SMCO2: variants seen among roughly 807,000 people sequenced by gnomAD.
The protein encoded by SMCO2 is single-pass membrane protein with coiled-coil domains 2, also known as single-pass membrane and coiled-coil domain-containing protein 2.
In SMCO2, 25 loss-of-function variants were observed where a neutral mutation model predicts 29.5. The ratio of observed to expected loss-of-function variants is 0.85; its 90% CI spans 0.62 to 1.18. The LOEUF is 1.18. Ranked by LOEUF, SMCO2 falls within the 50% of genes most tolerant of loss-of-function variation. The pLI, the probability that SMCO2 is intolerant of heterozygous loss-of-function variation, is 0.00. For synonymous variants in SMCO2, 117 were observed against 123.3 expected, an observed-to-expected ratio of 0.95 and a Z score of 0.34; for missense variants, 348 against 344.5, an observed-to-expected ratio of 1.01 and a Z score of -0.08.
chr12:27,475,758 A>G, intron 4 of SMCO2, 27 bp downstream of exon 5: 1 of 1,446,538 alleles, frequency 6.9e-7, no homozygotes, highest in Non-Finnish European at 9.1e-7. Context: ...GGGGTTGGTC[A>G]TAAAATAGCA....
intron 2 of SMCO2, among the ~76,000 whole-genome samples, chr12:27,471,335 G>A (rs1388624258): frequency 6.6e-6 from 1 of 152,142 alleles, no homozygotes; most frequent in Non-Finnish European, 1.5e-5. Context: ...TTTCATATAA[G>A]TTTTTTCATA....
chr12:27,447,014 G>T, the SMCO2 span, among the ~76,000 whole-genome samples: 1 of 152,278 alleles, frequency 6.6e-6, no homozygotes, highest in Middle Eastern at 3.4e-3. Context: ...ATTCTGACAT[G>T]GAGACAGCAT....
At chr12:27,493,956 A>C (rs1429728225) in intron 5 of SMCO2, 1 of 158,204 alleles carries the variant, frequency 6.3e-6, no homozygotes, top group African/African-American at 2.4e-5. Context: ...ATTTTCTCAG[A>C]AACATAACTA....
chr12:27,498,556 C>A, intron 7 of SMCO2: 1 of 234,004 alleles, frequency 4.3e-6, no homozygotes, highest in South Asian at 6.6e-5. Context: ...CTGAGGAGTT[C>A]AATATCCCGG....
chr12:27,500,585 G>A lies in SMCO2; in HGVS notation c.684-1338G>A, dbSNP rs1374924133. 2.0e-5 allele frequency among the ~76,000 whole-genome samples: 3 copies of A among 150,576 alleles called. 1 individual carries two copies. The highest frequency in any genetic ancestry group is 7.5e-5 in the African/African-American group (3 of 40,246). ...GTCATAGTTTAGTATTTCCAAAGAT[G>A]ACTGGTTTTTTAATTTAGGAGGAAC... On this transcript the variant is annotated intron_variant, in intron 7 of 7. Transcript: ENST00000298876.
the SMCO2 span, among the ~76,000 whole-genome samples, chr12:27,440,669 C>A: frequency 1.8e-5 from 1 of 54,420 alleles, no homozygotes; most frequent in African/African-American, 5.9e-5. Flanking sequence ...TTTTTTTTGG[C>A]CTTTGTTTCT....
At chr12:27,448,733 C>G in the SMCO2 span, among the ~76,000 whole-genome samples, 2 of 152,182 alleles carry the variant, frequency 1.3e-5, no homozygotes, top group Non-Finnish European at 2.9e-5. Context: ...TTAATATGTA[C>G]TAGCTGGAGG....
chr12:27,470,773 A>G lies in SMCO2; in HGVS notation c.134+8A>G. The G allele has an allele frequency of 1.3e-6, 2 of 1,549,750 alleles. No homozygotes were observed. On this transcript the variant is annotated splice_region_variant and intron_variant, in intron 2 of 7. Transcript: ENST00000298876. ...TGAAGGTGCAATGCAGGAGTAAGTC[A>G]GAACTGAGCTTGCAGAAGCAGTTTC...
chr12:27,494,276 C>A lies in SMCO2; in HGVS notation c.451-24C>A, dbSNP rs115091099. Reference sequence around the variant, plus strand: ...CAGAAAAATATAAGTTTCATTTTACCCAGAATTGTGGATGTGTTTTTAGGT... The same window carrying A: ...CAGAAAAATATAAGTTTCATTTTACACAGAATTGTGGATGTGTTTTTAGGT... On this transcript the variant is annotated intron_variant, in intron 5 of 7. Coordinates refer to ENST00000298876, the Ensembl canonical transcript of SMCO2. 1,927 of 1,405,050 alleles carry A rather than the reference C, an allele frequency of 1.4e-3. 27 individuals carry two copies. In the African/African-American group the frequency reaches 0.026, roughly 19 times the overall value. The allele number at this position is 1,405,050 out of a possible 1,614,324, so 87.0% of individuals were successfully genotyped here.
the SMCO2 span, among the ~76,000 whole-genome samples, chr12:27,433,303 G>A: frequency 1.3e-5 from 2 of 152,148 alleles, no homozygotes; most frequent in Admixed American, 6.6e-5. Flanking sequence ...AACAGCATAA[G>A]AGTACAGCTG....
At chr12:27,436,919 T>C in the SMCO2 span, among the ~76,000 whole-genome samples, 1 of 152,208 alleles carries the variant, frequency 6.6e-6, no homozygotes, top group Non-Finnish European at 1.5e-5. Context: ...AAACTTTCCA[T>C]GTCACCACAT....
At chr12:27,494,169 A>C (rs1486328553) in intron 5 of SMCO2, 131 bp from the exon 7 acceptor site, 4 of 523,416 alleles carry the variant, frequency 7.6e-6, no homozygotes, top group Non-Finnish European at 9.8e-6. Context: ...CTCTAAGAGG[A>C]AGAAGTTTAC....
intron 5 of SMCO2, among the ~76,000 whole-genome samples, chr12:27,492,859 T>C (rs1942940385): frequency 6.6e-6 from 1 of 152,144 alleles, no homozygotes; most frequent in Non-Finnish European, 1.5e-5. Context: ...TATAAATCAC[T>C]CTACCATAAA....
chr12:27,476,777 A>G (rs1271865203), intron 4 of SMCO2, among the ~76,000 whole-genome samples: 6 of 151,946 alleles, frequency 3.9e-5, no homozygotes, highest in African/African-American at 1.5e-4. Flanking sequence ...GGCAGCATAT[A>G]ATTGGGTCAT....
upstream of SMCO2, chr12:27,466,689 C>T (rs944824388): frequency 6.6e-6 from 1 of 152,586 alleles, no homozygotes; most frequent in Non-Finnish European, 1.5e-5. Flanking sequence ...GAGAGACAGG[C>T]TAGAAGGGCA....
At chr12:27,470,107 T>G (rs1051128476) in intron 1 of SMCO2, among the ~76,000 whole-genome samples, 39 of 152,190 alleles carry the variant, frequency 2.6e-4, no homozygotes, top group African/African-American at 9.4e-4. Flanking sequence ...ATAACCTAGT[T>G]GTCAACAATG....
intron 3 of SMCO2, among the ~76,000 whole-genome samples, chr12:27,473,357 C>T (rs115187957): frequency 2.8e-3 from 421 of 152,282 alleles, no homozygotes; most frequent in African/African-American, 9.5e-3. Context: ...GGTCTCTTGT[C>T]TTCATCCTCA....
intron 4 of SMCO2, 44 bp downstream of exon 4, chr12:27,474,957 G>A: frequency 6.5e-7 from 1 of 1,536,144 alleles, no homozygotes. Context: ...ATAATGTGTG[G>A]AGGGGAAAAT....
chr12:27,498,603 GT>G, intron 7 of SMCO2: 1 of 211,250 alleles, frequency 4.7e-6, no homozygotes. Flanking sequence ...TCCTGCTTAG[GT>G]TTGAACACTG....
Sources: gnomAD v4.1 joint callset for allele counts (sites outside exome capture counted in the v4.1 genomes callset) on GRCh38, gnomAD v4.1.1 for gene constraint, MANE v1.5 for transcripts, NCBI Gene and HGNC (gene_info 2026-07-23, HGNC 2026-07-21) for gene names.